AKAP13: variants seen among roughly 807,000 people sequenced by gnomAD.
AKAP13 encodes the protein A-kinase anchor protein 13.
A neutral mutation model predicts 264.5 loss-of-function variants in AKAP13; 80 were observed. That is an observed-to-expected ratio of 0.30 (90% confidence interval 0.25 to 0.36). The LOEUF is 0.36. Ranked by LOEUF, AKAP13 falls within the 10% of genes least tolerant of loss-of-function variation. AKAP13 has a pLI of 1.00. For missense variants in AKAP13, 3,712 were observed against 3,435.2 expected (o/e 1.08, Z -2.01); for synonymous variants, 1,380 against 1,250.2 (o/e 1.10, Z -2.19).
At chr15:85,688,783 T>C (rs1249685941) in intron 16 of AKAP13, among the ~76,000 whole-genome samples, 1 of 152,182 alleles carries the variant, frequency 6.6e-6, no homozygotes. Flanking sequence ...CTGGCATAAG[T>C]GATTAGATTA....
At position 85,747,679 on chromosome 15, in the gene AKAP13, G is replaced by C. The variant is rs1417059309; in HGVS notation, c.*3002G>C. 6.5e-6 allele frequency: 1 copy of C among 152,744 alleles called. No homozygotes were observed. The highest frequency in any genetic ancestry group is 1.5e-5 in the Non-Finnish European group (1 of 68,038). The allele number at this position is 152,744 out of a possible 1,614,324, so 9.5% of individuals were successfully genotyped here. On this transcript the variant is annotated 3_prime_UTR_variant, in exon 37 of 37. Transcript: ENST00000394518. ...TTCAAGACAATCAAATGTATTGACT[G>C]TGTTTTCTTCTTAGAAAATGGAGAG...
At chr15:85,567,518 T>G (rs958610395) in intron 5 of AKAP13, among the ~76,000 whole-genome samples, 2 of 152,150 alleles carry the variant, frequency 1.3e-5, no homozygotes, top group Non-Finnish European at 2.9e-5. Flanking sequence ...ATTATAATTA[T>G]TATGAAGAGA....
intron 8 of AKAP13, among the ~76,000 whole-genome samples, chr15:85,613,708 A>ATG (rs1201711705): frequency 1.6e-5 from 2 of 125,754 alleles, no homozygotes; most frequent in African/African-American, 5.9e-5. Context: ...ATATATATAT[A>ATG]TATATTAGGA....
chr15:85,710,495 C>G (rs2086579266), intron 18 of AKAP13, 84 bp from the exon 19 acceptor site: 2 of 1,352,198 alleles, frequency 1.5e-6, no homozygotes, highest in South Asian at 1.3e-5. Flanking sequence ...GGAAAGGAAG[C>G]TGAACTGCTT....
chr15:85,570,492 G>A (rs2078780069), intron 5 of AKAP13, among the ~76,000 whole-genome samples: 1 of 152,106 alleles, frequency 6.6e-6, no homozygotes, highest in South Asian at 2.1e-4. Flanking sequence ...AGACCACAAA[G>A]CCTTAAAATG....
intron 8 of AKAP13, among the ~76,000 whole-genome samples, chr15:85,590,396 C>T (rs1479465233): frequency 2.0e-5 from 3 of 152,190 alleles, no homozygotes; most frequent in African/African-American, 4.8e-5. Context: ...TTCTTGTTTT[C>T]TTTAGTCCTT....
intron 9 of AKAP13, among the ~76,000 whole-genome samples, chr15:85,641,644 C>G (rs2082317063): frequency 6.6e-6 from 1 of 151,386 alleles, no homozygotes; most frequent in Non-Finnish European, 1.5e-5. Context: ...TGCCACCACA[C>G]CCGGCTAATT....
rs4075256 is a variant in AKAP13, at chr15:85,580,602, T to C, written c.2534T>C (p.Val845Ala). 1,014,143 of 1,613,916 alleles carry C rather than the reference T, an allele frequency of 0.63. 320,107 individuals are homozygous for C. The highest frequency in any genetic ancestry group is 0.67 in the Middle Eastern group (4,090 of 6,060). ...ACGCGGCCACTAGAAGACAGGGCAG[T>C]AGGCCTGTCCACATCCTCCACTGCT... Reference protein sequence around the residue: ...PDTRPLEDRAVGLSTSSTAAE... With the variant: ...PDTRPLEDRAAGLSTSSTAAE... Residue 845 changes from valine (V) to alanine (A), a missense_variant, in exon 7 of 37, where the codon GTA becomes GCA. Val to Ala is a moderately conservative substitution (Grantham distance 64, BLOSUM62 0). This residue lies in a region of AKAP13 where 2,759 missense variants were observed against 2,411.7 expected (regional missense o/e 1.14). Transcript: ENST00000394518.
chr15:85,513,304 C>T (rs2151129362), intron 2 of AKAP13, among the ~76,000 whole-genome samples: 1 of 152,212 alleles, frequency 6.6e-6, no homozygotes, highest in Middle Eastern at 3.4e-3. Flanking sequence ...ATAGGGCTTC[C>T]CACAACCCCA....
intron 5 of AKAP13, among the ~76,000 whole-genome samples, chr15:85,569,459 T>TC (rs2078727464): frequency 6.7e-6 from 1 of 150,194 alleles, no homozygotes; most frequent in African/African-American, 2.4e-5. Context: ...TTCTTTTTTT[T>TC]TTTTTTTTTT....
intron 1 of AKAP13, among the ~76,000 whole-genome samples, 175 bp downstream of exon 1, chr15:85,380,973 A>C (rs1277102878): frequency 1.3e-5 from 2 of 151,684 alleles, no homozygotes; most frequent in African/African-American, 4.8e-5. Context: ...CGGCGCCGGG[A>C]CCTCAGGTCT....
Position 85,718,609 on chromosome 15 carries a change from C to T in AKAP13, c.6001+450C>T, listed in dbSNP as rs338526. 0.73 allele frequency among the ~76,000 whole-genome samples: 110,298 copies of T among 152,016 alleles called. 40,063 individuals are homozygous for T. Among genetic ancestry groups the T allele is most frequent in the Middle Eastern group, 0.81 (238 of 294 alleles). Reference sequence around the variant, plus strand: ...ACACGTGAAAAATAGAGGAATAAGACGAAAACACTTGACCAGGCTCAGCGG... The same window carrying T: ...ACACGTGAAAAATAGAGGAATAAGATGAAAACACTTGACCAGGCTCAGCGG... On this transcript the variant is annotated intron_variant, in intron 22 of 36. Transcript: ENST00000394518. This position sits in a 1 kb window ranked among gnomAD's most constrained non-coding sequence, Gnocchi z 4.9.
intron 30 of AKAP13, among the ~76,000 whole-genome samples, chr15:85,732,080 C>CA (rs34426976): frequency 0.15 from 17,116 of 114,284 alleles, 1,391 homozygotes; most frequent in East Asian, 0.35. Flanking sequence ...GAGACTATCT[C>CA]AAAAAAAAAA....
At chr15:85,544,478 A>C (rs551056758) in intron 5 of AKAP13, among the ~76,000 whole-genome samples, 26 of 152,224 alleles carry the variant, frequency 1.7e-4, no homozygotes, top group Admixed American at 3.3e-4. Context: ...TGGTTTCTTC[A>C]TATGAACAGC....
At chr15:85,656,505 G>C (rs934660207) in intron 11 of AKAP13, among the ~76,000 whole-genome samples, 6 of 152,158 alleles carry the variant, frequency 3.9e-5, no homozygotes, top group African/African-American at 1.4e-4. Flanking sequence ...GGAGTGCAGC[G>C]GCGCAATCTC....
intron 8 of AKAP13, among the ~76,000 whole-genome samples, chr15:85,629,763 C>CGTTTTTTTT (rs1567164100): frequency 1.3e-5 from 1 of 76,148 alleles, no homozygotes; most frequent in Admixed American, 1.6e-4. Flanking sequence ...TCCTTTACAG[C>CGTTTTTTTT]CTTTTTTTTT....
chr15:85,390,662 C>T (rs149360761), intron 1 of AKAP13, among the ~76,000 whole-genome samples: 1 of 152,288 alleles, frequency 6.6e-6, no homozygotes, highest in Non-Finnish European at 1.5e-5. Flanking sequence ...TGCAGTCGTT[C>T]AGGCTAGAGA....
Position 85,735,554 on chromosome 15 carries a change from G to C in AKAP13, c.7442-6G>C. The stretch of plus-strand genomic sequence containing the variant: ...AAAAAAAAAAACAACCCTATTTTTT[G>C]TTTAGGAGGCGAGAAGGAAGAGGGA... On this transcript the variant is annotated splice_polypyrimidine_tract_variant and splice_region_variant and intron_variant, in intron 31 of 36. Transcript: ENST00000394518. 6.3e-7 allele frequency: 1 copy of C among 1,596,632 alleles called. No individual in the cohort carries two copies. Among genetic ancestry groups the C allele is most frequent in the East Asian group, 2.2e-5 (1 of 44,728 alleles).
At chr15:85,523,249 C>T (rs995834937) in intron 3 of AKAP13, among the ~76,000 whole-genome samples, 1 of 152,008 alleles carries the variant, frequency 6.6e-6, no homozygotes. Flanking sequence ...GATTACTTGT[C>T]TTTTTCAGCT....
Sources: allele counts gnomAD v4.1 joint callset (sites outside exome capture counted in the v4.1 genomes callset), GRCh38; gene constraint gnomAD v4.1.1; regional missense constraint gnomAD v4.1.1; non-coding constraint Gnocchi (gnomAD v3.1); transcripts MANE v1.5; gene names NCBI Gene and HGNC (gene_info 2026-07-23, HGNC 2026-07-21).